RSU1: variants seen among roughly 807,000 people sequenced by gnomAD.
The protein encoded by RSU1 is Ras suppressor protein 1.
RSU1 carries 26 observed loss-of-function variants against 31.1 expected under a neutral mutation model. That is an observed-to-expected ratio of 0.84 (90% CI 0.61 to 1.16). The LOEUF (loss-of-function observed/expected upper bound fraction) is 1.16, where lower values mean the gene tolerates loss of function less well. Ranked by LOEUF, RSU1 falls within the 50% of genes most tolerant of loss-of-function variation. The pLI is 0.00. For synonymous variants in RSU1, 164 were observed against 136.3 expected (o/e 1.20, Z -1.41); for missense variants, 320 against 339.1 (o/e 0.94, Z 0.44).
intron 7 of RSU1, among the ~76,000 whole-genome samples, chr10:16,725,205 GA>G (rs771342201): frequency 2.3e-4 from 35 of 152,170 alleles, no homozygotes; most frequent in Non-Finnish European, 1.5e-4. Context: ...GGAGAAGAGA[GA>G]GAGAATATGA....
chr10:16,794,962 TGAAACAAATAAAAGAGA>T (rs1400738394), intron 2 of RSU1, among the ~76,000 whole-genome samples: 1 of 152,124 alleles, frequency 6.6e-6, no homozygotes, highest in Non-Finnish European at 1.5e-5. Context: ...ATCTTTAAAA[TGAAACAAATAAAAGAGA>T]GAAAAAAGAT....
chr10:16,772,642 A>G (rs1271276913), intron 3 of RSU1, among the ~76,000 whole-genome samples: 1 of 63,066 alleles, frequency 1.6e-5, no homozygotes, highest in Admixed American at 1.6e-4. Context: ...GTAGAATATG[A>G]AAAAAAAAAA....
At chr10:16,669,931 T>C (rs116321769) in intron 8 of RSU1, among the ~76,000 whole-genome samples, 15 of 152,246 alleles carry the variant, frequency 9.9e-5, no homozygotes, top group Admixed American at 1.3e-4. Context: ...AAGGCAAAAG[T>C]ACTGGTATTT....
intron 7 of RSU1, among the ~76,000 whole-genome samples, chr10:16,750,864 T>TC (rs1491433529): frequency 7.5e-5 from 7 of 93,060 alleles, no homozygotes; most frequent in East Asian, 3.2e-4. Context: ...AAGATCTCTC[T>TC]TTTTTTTTTT....
At chr10:16,636,666 C>G (rs941527684) in intron 8 of RSU1, among the ~76,000 whole-genome samples, 1 of 152,214 alleles carries the variant, frequency 6.6e-6, no homozygotes, top group Non-Finnish European at 1.5e-5. Context: ...TCAAATGGTG[C>G]AGGAGACCTC....
intron 8 of RSU1, among the ~76,000 whole-genome samples, chr10:16,683,183 G>GTGTGTGTGTGTGTGTGT (rs1429579097): frequency 1.1e-4 from 16 of 151,298 alleles, no homozygotes; most frequent in Admixed American, 2.6e-4. Flanking sequence ...GTGTGTGTGT[G>GTGTGTGTGTGTGTGTGT]TTGTGGTAGG....
At position 16,644,059 on chromosome 10, in the gene RSU1, C is replaced by T. The variant is rs934455159; in HGVS notation, c.732-50563G>A. On this transcript the variant is annotated intron_variant, in intron 8 of 8. Coordinates refer to ENST00000345264, the MANE Select transcript of RSU1 (RefSeq NM_012425.4). ...CAAATACACCATTTTATTTCAGGGA[C>T]TTAAGCATCTGCAGATTTTGGTATT... is the stretch of plus-strand genomic sequence containing the variant. Among the ~76,000 whole-genome samples the T allele has an allele frequency of 2.0e-5, 3 of 151,020 alleles. No individual in the cohort carries two copies. The South Asian group carries it at 6.3e-4, about 32-fold the overall frequency.
intron 8 of RSU1, among the ~76,000 whole-genome samples, chr10:16,667,544 C>G (rs150596485): frequency 0.031 from 4,689 of 151,482 alleles, 260 homozygotes; most frequent in African/African-American, 0.11. Context: ...CTGGAGTGCA[C>G]TGGTGCTATC....
intron 2 of RSU1, among the ~76,000 whole-genome samples, chr10:16,783,826 T>G (rs1837711853): frequency 6.6e-6 from 1 of 152,122 alleles, no homozygotes. Flanking sequence ...AAAATGGACA[T>G]AACCACAATA....
intron 8 of RSU1, among the ~76,000 whole-genome samples, chr10:16,647,712 G>A (rs1834598016): frequency 6.6e-6 from 1 of 152,074 alleles, no homozygotes. Flanking sequence ...GGCATCTTCT[G>A]GGGGGATTAT....
At chr10:16,677,175 A>G (rs1170863443) in intron 8 of RSU1, among the ~76,000 whole-genome samples, 1 of 152,250 alleles carries the variant, frequency 6.6e-6, no homozygotes, top group African/African-American at 2.4e-5. Flanking sequence ...TCAAAGCAAC[A>G]TGGAAAATGA....
chr10:16,692,053 C>T (rs1835566899), intron 8 of RSU1, among the ~76,000 whole-genome samples: 1 of 152,166 alleles, frequency 6.6e-6, no homozygotes, highest in Non-Finnish European at 1.5e-5. Flanking sequence ...CCACCGCACC[C>T]AGCCTACTGA....
chr10:16,791,528 C>G (rs1837913094), intron 2 of RSU1, among the ~76,000 whole-genome samples: 1 of 151,052 alleles, frequency 6.6e-6, no homozygotes, highest in Non-Finnish European at 1.5e-5. Context: ...ACTTGGGAGG[C>G]TGAGGCAGAA....
At chr10:16,807,931 G>C (rs1838309136) in intron 2 of RSU1, among the ~76,000 whole-genome samples, 1 of 151,550 alleles carries the variant, frequency 6.6e-6, no homozygotes, top group Non-Finnish European at 1.5e-5. Context: ...GCTGAGGCAG[G>C]AGAATGGCGT....
chr10:16,742,209 T>C (rs1836768635), intron 7 of RSU1, among the ~76,000 whole-genome samples: 1 of 152,226 alleles, frequency 6.6e-6, no homozygotes, highest in Non-Finnish European at 1.5e-5. Context: ...GGAGTATAAA[T>C]GGTACAATTA....
chr10:16,746,946 C>T (rs1836867350), intron 7 of RSU1, among the ~76,000 whole-genome samples: 1 of 152,122 alleles, frequency 6.6e-6, no homozygotes, highest in African/African-American at 2.4e-5. Flanking sequence ...CAATTATGTG[C>T]ATTCCACTGT....
At chr10:16,740,906 C>T (rs943289763) in intron 7 of RSU1, among the ~76,000 whole-genome samples, 1 of 152,038 alleles carries the variant, frequency 6.6e-6, no homozygotes, top group African/African-American at 2.4e-5. Context: ...TCTACAAATT[C>T]GGTGCAATTT....
intron 8 of RSU1, among the ~76,000 whole-genome samples, chr10:16,602,654 G>A (rs1833732122): frequency 1.3e-5 from 2 of 152,178 alleles, no homozygotes; most frequent in African/African-American, 4.8e-5. Context: ...GGTGCAATAT[G>A]CTGTTCTGAA....
At chr10:16,688,502 G>A (rs1213042789) in intron 8 of RSU1, among the ~76,000 whole-genome samples, 3 of 152,132 alleles carry the variant, frequency 2.0e-5, no homozygotes, top group African/African-American at 7.2e-5. Context: ...CCAGCCACTC[G>A]GGAGGCTGAG....
Sources: gnomAD v4.1 joint callset for allele counts (sites outside exome capture counted in the v4.1 genomes callset) on GRCh38, gnomAD v4.1.1 for gene constraint, MANE v1.5 for transcripts, NCBI Gene and HGNC (gene_info 2026-07-23, HGNC 2026-07-21) for gene names.